The following CEP128 variants were observed in gnomAD, a reference collection of about 807,000 sequenced individuals.
CEP128 encodes the protein centrosomal protein 128kDa.
A neutral mutation model predicts 156.7 loss-of-function variants in CEP128; 132 were observed. The observed-to-expected ratio is 0.84, with a 90% CI of 0.73 to 0.97. The LOEUF is 0.97. Ranked by LOEUF, CEP128 falls within the 50% of genes least tolerant of loss-of-function variation. The pLI is 0.00. For missense variants in CEP128, 1,252 were observed against 1,281.9 expected, an observed-to-expected ratio of 0.98 and a Z score of 0.36; for synonymous variants, 469 against 448.9, an observed-to-expected ratio of 1.04 and a Z score of -0.57.
At chr14:80,783,850 T>C (rs118005055) in intron 15 of CEP128, among the ~76,000 whole-genome samples, 1 of 152,124 alleles carries the variant, frequency 6.6e-6, no homozygotes, top group East Asian at 1.9e-4. Context: ...TTAGGTTTAA[T>C]GAAATATAGT....
chr14:80,538,572 A>G (rs1477101276), intron 21 of CEP128, among the ~76,000 whole-genome samples: 1 of 152,198 alleles, frequency 6.6e-6, no homozygotes, highest in African/African-American at 2.4e-5. Context: ...GCTTTATCAT[A>G]TATCAATCCA....
At chr14:80,828,345 A>C (rs1284612164) in intron 13 of CEP128, among the ~76,000 whole-genome samples, 1 of 150,734 alleles carries the variant, frequency 6.6e-6, no homozygotes, top group Non-Finnish European at 1.5e-5. Flanking sequence ...CTGGTTTCGA[A>C]CTCCTGACCT....
At chr14:80,939,711 T>C (rs1214487722) in intron 1 of CEP128, among the ~76,000 whole-genome samples, 171 bp from the exon 2 acceptor site, 1 of 152,210 alleles carries the variant, frequency 6.6e-6, no homozygotes, top group Admixed American at 6.5e-5. Context: ...ATTCTTCACA[T>C]CCAAGTGCCC....
chr14:80,747,652 C>G (rs1899172268), intron 18 of CEP128, among the ~76,000 whole-genome samples: 2 of 152,162 alleles, frequency 1.3e-5, no homozygotes, highest in African/African-American at 4.8e-5. Context: ...ACTAAAAACA[C>G]AAAAATTGGC....
At chr14:80,673,768 G>A (rs374397541) in intron 19 of CEP128, among the ~76,000 whole-genome samples, 2 of 145,484 alleles carry the variant, frequency 1.4e-5, no homozygotes, top group Admixed American at 1.4e-4. Flanking sequence ...AGATATGAAC[G>A]CCTTTTCTTT....
At chr14:80,628,680 A>T (rs369723103) in intron 19 of CEP128, among the ~76,000 whole-genome samples, 4 of 152,318 alleles carry the variant, frequency 2.6e-5, no homozygotes, top group South Asian at 4.1e-4. Context: ...CTGGTCAATG[A>T]GAGTAACACA....
At chr14:80,612,574 T>C (rs1190595795) in intron 19 of CEP128, among the ~76,000 whole-genome samples, 1 of 152,138 alleles carries the variant, frequency 6.6e-6, no homozygotes, top group Non-Finnish European at 1.5e-5. Flanking sequence ...TATTTGAGAG[T>C]ACATGAATTA....
chr14:80,622,584 T>G lies in CEP128; in HGVS notation c.2807-42161A>C, dbSNP rs1361088542. On this transcript the variant is annotated intron_variant, in intron 19 of 24. Coordinates refer to ENST00000555265, the MANE Select transcript of CEP128 (RefSeq NM_152446.5). ...TCTGACAAAGGGCTAATATCCAGAA[T>G]CTACAATGAACTCAAACAAATTTAC... Among the ~76,000 whole-genome samples the G allele has an allele frequency of 1.3e-5, 2 of 149,768 alleles. 1 individual carries two copies. Among genetic ancestry groups the G allele is most frequent in the Admixed American group, 1.3e-4 (2 of 15,002 alleles).
chr14:80,487,915 G>T (rs1887205303), downstream of CEP128, among the ~76,000 whole-genome samples: 1 of 151,812 alleles, frequency 6.6e-6, no homozygotes, highest in South Asian at 2.1e-4. Context: ...ATGCCCACAA[G>T]AGAAAGCAAG....
At chr14:80,902,805 C>CTAAA (rs1286998845) in intron 6 of CEP128, among the ~76,000 whole-genome samples, 1 of 152,076 alleles carries the variant, frequency 6.6e-6, no homozygotes, top group Non-Finnish European at 1.5e-5. Context: ...CTTGTTCATA[C>CTAAA]TAAACCAAAC....
chr14:80,596,647 A>C (rs1452152379), intron 19 of CEP128, among the ~76,000 whole-genome samples: 1 of 151,640 alleles, frequency 6.6e-6, no homozygotes, highest in Non-Finnish European at 1.5e-5. Flanking sequence ...CTTCTCTATA[A>C]AAATTTGTAA....
rs538527841 is a variant in CEP128 at position 80,858,261 on chromosome 14, T to C, written c.762+4496A>G. The stretch of plus-strand genomic sequence containing the variant: ...ACGCCACATATCTACAACTATCTGA[T>C]CTTTGACAAACCTGAGAAAAACAAG... On this transcript the variant is annotated intron_variant, in intron 9 of 24. Coordinates refer to ENST00000555265, the MANE Select transcript of CEP128 (RefSeq NM_152446.5). Among the ~76,000 whole-genome samples the C allele has an allele frequency of 5.1e-4, 71 of 138,478 alleles. 1 individual carries two copies. The East Asian group carries it at 7.5e-3, about 15-fold the overall frequency. The allele number at this position is 138,478 out of a possible 152,430, so 90.8% of individuals were successfully genotyped here. A position where few individuals can be genotyped will look rare whatever the true frequency, so the allele number is the denominator to read the frequency against.
chr14:80,893,764 C>T (rs1889217099), intron 8 of CEP128, among the ~76,000 whole-genome samples: 3 of 151,802 alleles, frequency 2.0e-5, no homozygotes, highest in African/African-American at 4.8e-5. Context: ...TACTCTATCC[C>T]TATCACAACT....
At chr14:80,615,664 T>A (rs1390295494) in intron 19 of CEP128, among the ~76,000 whole-genome samples, 1 of 151,812 alleles carries the variant, frequency 6.6e-6, no homozygotes, top group Non-Finnish European at 1.5e-5. Context: ...GCCTGACCAA[T>A]ATAATGAAAC....
intron 20 of CEP128, among the ~76,000 whole-genome samples, chr14:80,575,581 C>A (rs906970264): frequency 6.6e-6 from 1 of 152,066 alleles, no homozygotes; most frequent in Non-Finnish European, 1.5e-5. Context: ...GGGGCAGAGA[C>A]CTCTGACTTG....
chr14:80,861,685 T>TG (rs1887519194), intron 9 of CEP128, among the ~76,000 whole-genome samples: 1 of 152,186 alleles, frequency 6.6e-6, no homozygotes, highest in African/African-American at 2.4e-5. Context: ...ATGCTATGTG[T>TG]GAACCTATAT....
intron 8 of CEP128, among the ~76,000 whole-genome samples, chr14:80,871,775 A>G (rs1419465876): frequency 6.6e-6 from 1 of 152,164 alleles, no homozygotes; most frequent in Non-Finnish European, 1.5e-5. Flanking sequence ...AATACCAAAA[A>G]TTCCTAAATC....
chr14:80,928,434 G>A (rs1275539888), intron 2 of CEP128, among the ~76,000 whole-genome samples: 3 of 152,116 alleles, frequency 2.0e-5, no homozygotes, highest in Non-Finnish European at 4.4e-5. Context: ...TAAAGAGACA[G>A]ACATTGTAAA....
chr14:80,907,674 A>AC (rs1456759921), intron 4 of CEP128, among the ~76,000 whole-genome samples: 10 of 151,660 alleles, frequency 6.6e-5, no homozygotes, highest in African/African-American at 1.9e-4. Flanking sequence ...AAAAAAAAAA[A>AC]AAAAACCTCA....
Sources: gnomAD v4.1 joint callset for allele counts (sites outside exome capture counted in the v4.1 genomes callset) on GRCh38, gnomAD v4.1.1 for gene constraint, MANE v1.5 for transcripts, NCBI Gene and HGNC (gene_info 2026-07-23, HGNC 2026-07-21) for gene names.